Variants in FAM167A observed in about 807,000 individuals in gnomAD.
FAM167A encodes the protein family with sequence similarity 167 member A.
A neutral mutation model predicts 14.9 loss-of-function variants in FAM167A; 23 were observed. That is an observed-to-expected ratio of 1.55 (90% CI 1.11 to 2.19). The LOEUF is 2.19. FAM167A is among the 30% of genes most tolerant of loss of function. FAM167A has a pLI of 0.00. For missense variants in FAM167A, 401 were observed against 281.5 expected (o/e 1.42, Z -3.04); for synonymous variants, 174 against 117.7 (o/e 1.48, Z -3.10).
chr8:11,435,471 A>G (rs1479810666), intron 2 of FAM167A, among the ~76,000 whole-genome samples: 2 of 152,232 alleles, frequency 1.3e-5, no homozygotes, highest in Non-Finnish European at 2.9e-5. Context: ...GAATGAATCA[A>G]TGAATCAATC....
chr8:11,468,985 C>T (rs934522956), upstream of FAM167A, among the ~76,000 whole-genome samples: 3 of 152,098 alleles, frequency 2.0e-5, no homozygotes, highest in Non-Finnish European at 4.4e-5. Context: ...GTTGGAGTAG[C>T]CTCAACTCCA....
chr8:11,425,674 C>CT (rs936761191), intron 2 of FAM167A, among the ~76,000 whole-genome samples: 4 of 151,938 alleles, frequency 2.6e-5, no homozygotes, highest in Admixed American at 6.6e-5. Flanking sequence ...TTATACCCCC[C>CT]CTTGCTGTTG....
At chr8:11,464,998 C>A (rs919287006) in intron 1 of FAM167A, among the ~76,000 whole-genome samples, 1 of 152,158 alleles carries the variant, frequency 6.6e-6, no homozygotes, top group African/African-American at 2.4e-5. Context: ...ACCAGAAGAA[C>A]AGGAGCAAGT....
At chr8:11,468,158 A>G (rs1191536578), upstream of FAM167A, among the ~76,000 whole-genome samples, 1 of 152,172 alleles carries the variant, frequency 6.6e-6, no homozygotes, top group African/African-American at 2.4e-5. Flanking sequence ...CTCCACAAAC[A>G]GGGGAAACTC....
At chr8:11,425,328 G>A (rs760003748) in intron 2 of FAM167A, among the ~76,000 whole-genome samples, 7 of 152,138 alleles carry the variant, frequency 4.6e-5, no homozygotes, top group Non-Finnish European at 7.4e-5. Flanking sequence ...CACAGCCAGG[G>A]AATTAGCTGT....
chr8:11,421,961 T>C lies in FAM167A; in HGVS notation c.*2412A>G. On this transcript the variant is annotated 3_prime_UTR_variant, in exon 3 of 3. Transcript: ENST00000284486. ...GCAAAGTAAGGAAGCCAGTCAACAC[T>C]GGACGATGTTTAGAAAACATCGCTG... 1 of 397,564 alleles carries C rather than the reference T, an allele frequency of 2.5e-6. No homozygotes were observed. 24.6% of individuals were successfully genotyped at this position (397,564 alleles called of 1,614,324 possible).
upstream of FAM167A, among the ~76,000 whole-genome samples, chr8:11,470,805 C>T (rs1807934650): frequency 6.6e-6 from 1 of 152,060 alleles, no homozygotes; most frequent in South Asian, 2.1e-4. Flanking sequence ...TGCTGTTTTC[C>T]TGTGAAGGGA....
At chr8:11,452,874 A>G (rs1807080931) in intron 1 of FAM167A, among the ~76,000 whole-genome samples, 1 of 152,222 alleles carries the variant, frequency 6.6e-6, no homozygotes, top group Non-Finnish European at 1.5e-5. Flanking sequence ...GAGCATCAGC[A>G]CACACATTCG....
chr8:11,459,161 G>A (rs1295744072), intron 1 of FAM167A, among the ~76,000 whole-genome samples: 1 of 152,148 alleles, frequency 6.6e-6, no homozygotes, highest in Non-Finnish European at 1.5e-5. Flanking sequence ...CTTTTTTATT[G>A]TGCCAGGCAC....
intron 1 of FAM167A, among the ~76,000 whole-genome samples, chr8:11,448,321 G>C (rs115514143): frequency 1.5e-3 from 226 of 149,864 alleles, no homozygotes; most frequent in African/African-American, 4.7e-3. Context: ...CATCTACCTC[G>C]TAAGTCCTAA....
chr8:11,456,291 TGTGA>T (rs1359280671), intron 1 of FAM167A, among the ~76,000 whole-genome samples: 12 of 151,494 alleles, frequency 7.9e-5, no homozygotes, highest in African/African-American at 1.7e-4. Flanking sequence ...TGGGTATCAG[TGTGA>T]GTGTGAGGTG....
intron 1 of FAM167A, among the ~76,000 whole-genome samples, chr8:11,450,626 C>T (rs1036046033): frequency 3.9e-5 from 6 of 152,208 alleles, no homozygotes; most frequent in African/African-American, 1.4e-4. Flanking sequence ...AACTTCAGGA[C>T]GAGAACCAAG....
chr8:11,425,501 A>T (rs761251405), intron 2 of FAM167A, among the ~76,000 whole-genome samples: 19 of 152,222 alleles, frequency 1.2e-4, no homozygotes, highest in Non-Finnish European at 2.5e-4. Context: ...GAAGGTTCCT[A>T]ATATTTTTAG....
chr8:11,470,421 C>T (rs1807922071), upstream of FAM167A, among the ~76,000 whole-genome samples: 1 of 152,094 alleles, frequency 6.6e-6, no homozygotes, highest in Admixed American at 6.5e-5. Context: ...ATGCAGCAGG[C>T]AGGGAGTAGA....
intron 1 of FAM167A, among the ~76,000 whole-genome samples, chr8:11,446,912 G>A (rs918826756): frequency 8.5e-5 from 13 of 152,204 alleles, no homozygotes; most frequent in Non-Finnish European, 1.9e-4. Flanking sequence ...CCCTGGCAGG[G>A]GAGCTCTGAT....
chr8:11,431,768 T>G (rs1385259005), intron 2 of FAM167A, among the ~76,000 whole-genome samples: 2 of 151,836 alleles, frequency 1.3e-5, no homozygotes, highest in Non-Finnish European at 2.9e-5. Flanking sequence ...CTCAGTGATG[T>G]TGTCTCTAGC....
chr8:11,473,494 G>T (rs1184564630), intron 1 of FAM167A, among the ~76,000 whole-genome samples: 1 of 152,212 alleles, frequency 6.6e-6, no homozygotes, highest in African/African-American at 2.4e-5. Flanking sequence ...AAGAGATACT[G>T]AGGACAAAGC....
At chr8:11,455,153 T>TGA (rs1365760396) in intron 1 of FAM167A, among the ~76,000 whole-genome samples, 1 of 144,390 alleles carries the variant, frequency 6.9e-6, no homozygotes, top group Non-Finnish European at 1.5e-5. Context: ...TGTGTGTGTG[T>TGA]GACTGTGGTG....
intron 1 of FAM167A, among the ~76,000 whole-genome samples, chr8:11,454,469 G>C (rs1807150851): frequency 1.3e-5 from 2 of 152,204 alleles, no homozygotes; most frequent in Non-Finnish European, 2.9e-5. Flanking sequence ...GCACAGCCCT[G>C]ATTTCAACCG....
Sources: gnomAD v4.1 joint callset for allele counts (sites outside exome capture counted in the v4.1 genomes callset) on GRCh38, gnomAD v4.1.1 for gene constraint, MANE v1.5 for transcripts, NCBI Gene and HGNC (gene_info 2026-07-23, HGNC 2026-07-21) for gene names.